The following SORCS2 variants were observed in gnomAD, a reference collection of about 807,000 sequenced individuals.
SORCS2 encodes sortilin related VPS10 domain containing receptor 2.
SORCS2 carries 100 observed loss-of-function variants against 141.6 expected under a neutral mutation model. That is an observed-to-expected ratio of 0.71 (90% CI 0.60 to 0.83). SORCS2 has a LOEUF of 0.83. SORCS2 is among the 40% of genes least tolerant of loss of function. SORCS2 has a pLI of 0.00. For synonymous variants in SORCS2, 789 were observed against 676.9 expected, an observed-to-expected ratio of 1.17 and a Z score of -2.57; for missense variants, 1,646 against 1,560.2, an observed-to-expected ratio of 1.05 and a Z score of -0.93.
chr4:7,702,553 G>C (rs957663693), intron 12 of SORCS2, among the ~76,000 whole-genome samples: 2 of 152,194 alleles, frequency 1.3e-5, no homozygotes, highest in Non-Finnish European at 2.9e-5. Flanking sequence ...GTCCCCTCCC[G>C]GGTGAGCCCT....
chr4:7,366,110 G>A (rs978596187), intron 1 of SORCS2, among the ~76,000 whole-genome samples: 5 of 152,162 alleles, frequency 3.3e-5, no homozygotes, highest in Admixed American at 1.3e-4. Flanking sequence ...GGGGTGGGGG[G>A]TGGTGGCACA....
At chr4:7,724,915 GGGA>G (rs1727077112) in intron 19 of SORCS2, among the ~76,000 whole-genome samples, 5 of 45,412 alleles carry the variant, frequency 1.1e-4, no homozygotes, top group African/African-American at 4.6e-4. Context: ...TAGTATTGGT[GGGA>G]ATGGATGGTG....
intron 13 of SORCS2, 95 bp downstream of exon 13, chr4:7,703,466 C>A (rs1725212042): frequency 1.0e-6 from 1 of 973,978 alleles, no homozygotes; most frequent in East Asian, 2.7e-5. Flanking sequence ...AGAATGTCCT[C>A]CCCTCGGGGA....
chr4:7,218,379 C>A (rs932637908), intron 1 of SORCS2, among the ~76,000 whole-genome samples: 1 of 152,156 alleles, frequency 6.6e-6, no homozygotes, highest in Non-Finnish European at 1.5e-5. Context: ...TTATTTTTAC[C>A]GTGGCAGAGA....
chr4:7,726,831 G>C lies in SORCS2; in HGVS notation c.2797G>C (p.Asp933His), dbSNP rs750946063. 6.2e-7 allele frequency: 1 copy of C among 1,613,864 alleles called. No individual in the cohort carries two copies. The highest frequency in any genetic ancestry group is 1.1e-5 in the South Asian group (1 of 91,070). Residue 933 changes from aspartate (D) to histidine (H), a missense_variant, in exon 21 of 27, where the codon GAC becomes CAC. Coordinates refer to ENST00000507866, the MANE Select transcript of SORCS2 (RefSeq NM_020777.3). ...GACAACGCGGTTTTCGGACACGGGC[G>C]ACGTGCGTGTGACGGTGCAGGCCGC... Reference protein sequence around the residue: ...SVTTRFSDTGDVRVTVQAACG... With the variant: ...SVTTRFSDTGHVRVTVQAACG...
intron 2 of SORCS2, among the ~76,000 whole-genome samples, chr4:7,478,668 G>T (rs2109363275): frequency 6.6e-6 from 1 of 152,270 alleles, no homozygotes; most frequent in African/African-American, 2.4e-5. Flanking sequence ...CCTGAACTTT[G>T]CACACGGCTT....
intron 1 of SORCS2, among the ~76,000 whole-genome samples, chr4:7,300,393 C>T (rs566073605): frequency 7.2e-5 from 11 of 152,222 alleles, no homozygotes; most frequent in South Asian, 2.1e-4. Context: ...GTGAACTCAC[C>T]GTGCAGTGAT....
intron 1 of SORCS2, among the ~76,000 whole-genome samples, chr4:7,362,205 A>G (rs1721624144): frequency 6.6e-6 from 1 of 152,056 alleles, no homozygotes; most frequent in South Asian, 2.1e-4. Context: ...TTGTATTCCA[A>G]ATATCCATAG....
chr4:7,708,568 C>A (rs1725623543), intron 14 of SORCS2, among the ~76,000 whole-genome samples: 1 of 152,174 alleles, frequency 6.6e-6, no homozygotes, highest in South Asian at 2.1e-4. Context: ...GAACAGTGAG[C>A]CCCTTCCCCT....
At chr4:7,655,124 C>T (rs1447646875) in intron 5 of SORCS2, among the ~76,000 whole-genome samples, 1 of 152,118 alleles carries the variant, frequency 6.6e-6, no homozygotes, top group African/African-American at 2.4e-5. Context: ...CATATCCCGT[C>T]CTTCTGGTCA....
intron 1 of SORCS2, among the ~76,000 whole-genome samples, chr4:7,371,671 T>C (rs1286059396): frequency 2.0e-5 from 3 of 152,028 alleles, no homozygotes; most frequent in Non-Finnish European, 2.9e-5. Context: ...GCTGTAGGTT[T>C]TAATTACTTG....
intron 1 of SORCS2, among the ~76,000 whole-genome samples, chr4:7,264,962 C>T (rs1714623404): frequency 6.6e-6 from 1 of 152,268 alleles, no homozygotes; most frequent in South Asian, 2.1e-4. Context: ...CGCCTGGCCG[C>T]TCCTCCAGCA....
chr4:7,416,609 C>G (rs1476476009), intron 2 of SORCS2, among the ~76,000 whole-genome samples: 5 of 152,142 alleles, frequency 3.3e-5, no homozygotes, highest in African/African-American at 1.2e-4. Flanking sequence ...TGTGCGTATA[C>G]ACAGACACGC....
At chr4:7,703,230 C>T in intron 12 of SORCS2, 50 bp from the exon 13 acceptor site, 2 of 1,495,800 alleles carry the variant, frequency 1.3e-6, no homozygotes, top group Non-Finnish European at 1.8e-6. Flanking sequence ...CCTGGAACAA[C>T]CTCCGACCTT....
At chr4:7,360,940 A>G (rs1305850298) in intron 1 of SORCS2, among the ~76,000 whole-genome samples, 1 of 151,858 alleles carries the variant, frequency 6.6e-6, no homozygotes, top group Non-Finnish European at 1.5e-5. Context: ...AGTCTTGGCC[A>G]TGCTGGGTTC....
At chr4:7,276,106 A>G (rs1346726012) in intron 1 of SORCS2, among the ~76,000 whole-genome samples, 2 of 152,156 alleles carry the variant, frequency 1.3e-5, no homozygotes, top group East Asian at 3.9e-4. Flanking sequence ...CTGAGCAGCC[A>G]CTGTTGCAAG....
chr4:7,664,272 G>A lies in SORCS2; in HGVS notation c.953-81G>A. 1 of 1,118,018 alleles carries A rather than the reference G, an allele frequency of 8.9e-7. No individual in the cohort carries two copies. The highest frequency in any genetic ancestry group is 1.3e-6 in the Non-Finnish European group (1 of 765,184). 69.3% of individuals were successfully genotyped at this position (1,118,018 alleles called of 1,614,324 possible). A position where few individuals can be genotyped will look rare whatever the true frequency, so the allele number is the denominator to read the frequency against. On this transcript the variant is annotated intron_variant, in intron 6 of 26. Transcript: ENST00000507866. The surrounding 1 kb of genome is among the most constrained non-coding windows in gnomAD (Gnocchi z 4.7). ...CCACACCACAGCGGTATTGGAGGAA[G>A]ATGGAGTCCAGCACATGTCTCGGGC...
Position 7,664,178 on chromosome 4 carries a change from A to G in SORCS2, c.953-175A>G, listed in dbSNP as rs1404242375. Among the ~76,000 whole-genome samples, 1 of 152,124 alleles carries G rather than the reference A, an allele frequency of 6.6e-6. No individual in the cohort carries two copies. The highest frequency in any genetic ancestry group is 1.5e-5 in the Non-Finnish European group (1 of 68,030). On this transcript the variant is annotated intron_variant, in intron 6 of 26. Transcript: ENST00000507866. The surrounding 1 kb of genome is among the most constrained non-coding windows in gnomAD (Gnocchi z 4.7). ...TCGTGTCAGAGTGCAGGTGGCCCAC[A>G]GTGAGCGAGGATGACACCCTCAGCC...
At chr4:7,555,966 C>T (rs987204905) in intron 3 of SORCS2, among the ~76,000 whole-genome samples, 1 of 152,256 alleles carries the variant, frequency 6.6e-6, no homozygotes, top group Non-Finnish European at 1.5e-5. Context: ...CAGGGTGCTT[C>T]TGCAGTGGGT....
Sources: allele counts gnomAD v4.1 joint callset (sites outside exome capture counted in the v4.1 genomes callset), GRCh38; gene constraint gnomAD v4.1.1; non-coding constraint Gnocchi (gnomAD v3.1); transcripts MANE v1.5; gene names NCBI Gene and HGNC (gene_info 2026-07-23, HGNC 2026-07-21).